NLRP11: variants seen among roughly 807,000 people sequenced by gnomAD.
NLRP11 encodes NLR family pyrin domain containing 11, also known as NACHT, LRR and PYD domains-containing protein 11.
A neutral mutation model predicts 79.3 loss-of-function variants in NLRP11; 53 were observed. The observed-to-expected ratio is 0.67, with a 90% CI of 0.54 to 0.84. The LOEUF is 0.84. NLRP11 is among the 40% of genes least tolerant of loss of function. The pLI is 0.00. For synonymous variants in NLRP11, 518 were observed against 462.6 expected (o/e 1.12, Z -1.54); for missense variants, 1,264 against 1,255.0 (o/e 1.01, Z -0.11).
At position 55,827,367 on chromosome 19, in the gene NLRP11, T is replaced by C. The variant is rs1325987682; in HGVS notation, c.-63+4596A>G. On this transcript the variant is annotated intron_variant, in intron 1 of 9. Coordinates refer to ENST00000589093, the Ensembl canonical transcript of NLRP11. ...GACATAGGCATGGCCAAGGACTTCA[T>C]GTCTAAAACACCAAAAGCAATGGCA... Among the ~76,000 whole-genome samples the C allele has an allele frequency of 8.9e-4, 133 of 150,054 alleles. 3 individuals carry two copies. The highest frequency in any genetic ancestry group is 3.1e-4 in the Non-Finnish European group (21 of 67,854).
chr19:55,827,386 A>C (rs2122926761), intron 1 of NLRP11, among the ~76,000 whole-genome samples: 1 of 150,506 alleles, frequency 6.6e-6, no homozygotes, highest in Non-Finnish European at 1.5e-5. Flanking sequence ...CACCAAAAGC[A>C]ATGGCAACAA....
chr19:55,795,103 T>A (rs539079957), intron 6 of NLRP11, among the ~76,000 whole-genome samples: 2 of 152,318 alleles, frequency 1.3e-5, no homozygotes, highest in South Asian at 4.1e-4. Context: ...TCTCCGCCCT[T>A]CATTTTTGTA....
chr19:55,818,968 T>G (rs1448565883), intron 1 of NLRP11, among the ~76,000 whole-genome samples: 1 of 152,072 alleles, frequency 6.6e-6, no homozygotes, highest in Non-Finnish European at 1.5e-5. Context: ...TGTTTAGCCA[T>G]GTAGAGCCTG....
At chr19:55,806,841 A>T (rs1980045475) in intron 4 of NLRP11, among the ~76,000 whole-genome samples, 1 of 152,084 alleles carries the variant, frequency 6.6e-6, no homozygotes, top group African/African-American at 2.4e-5. Flanking sequence ...CTGAACTCAA[A>T]GCCTTTGTTT....
intron 6 of NLRP11, among the ~76,000 whole-genome samples, chr19:55,794,794 G>A (rs1458954118): frequency 1.3e-5 from 2 of 151,930 alleles, no homozygotes; most frequent in South Asian, 2.1e-4. Context: ...TACATAATGC[G>A]ATATTACATA....
chr19:55,798,244 C>T (rs1374846857), intron 5 of NLRP11: 70 of 805,224 alleles, frequency 8.7e-5, no homozygotes, highest in African/African-American at 1.1e-4. Context: ...GTGATCTGCC[C>T]GCCTCGGCCT....
intron 1 of NLRP11, among the ~76,000 whole-genome samples, chr19:55,830,718 G>T (rs1305044810): frequency 1.7e-4 from 26 of 151,918 alleles, no homozygotes; most frequent in Non-Finnish European, 2.9e-5. Flanking sequence ...ACACTGCAAT[G>T]CTTTTTAAGT....
exon 3 of NLRP11, chr19:55,808,802 T>C (rs773532438): frequency 1.9e-6 from 3 of 1,610,476 alleles, no homozygotes; most frequent in Non-Finnish European, 2.5e-6. Context: ...CTCTTTGTTT[T>C]GAAAGATGCG....
At chr19:55,820,059 G>T (rs975636542) in intron 1 of NLRP11, among the ~76,000 whole-genome samples, 4 of 152,116 alleles carry the variant, frequency 2.6e-5, no homozygotes, top group African/African-American at 9.7e-5. Context: ...TTGCAGCATT[G>T]CTATGCCAAT....
chr19:55,795,980 G>T, intron 6 of NLRP11, 100 bp downstream of exon 6: 2 of 1,073,416 alleles, frequency 1.9e-6, no homozygotes, highest in Non-Finnish European at 2.7e-6. Flanking sequence ...CGGCTGCTTT[G>T]CTTTGCTGTC....
At chr19:55,811,258 AAAAC>A (rs1393984986) in intron 2 of NLRP11, among the ~76,000 whole-genome samples, 3 of 152,220 alleles carry the variant, frequency 2.0e-5, no homozygotes, top group Non-Finnish European at 4.4e-5. Flanking sequence ...TCCCACTGCA[AAAAC>A]AAACAAAAAT....
At chr19:55,816,899 G>T (rs1392380681) in intron 2 of NLRP11, among the ~76,000 whole-genome samples, 1 of 152,104 alleles carries the variant, frequency 6.6e-6, no homozygotes, top group Non-Finnish European at 1.5e-5. Flanking sequence ...ATCTATCCCT[G>T]GTCCTCATGT....
intron 1 of NLRP11, among the ~76,000 whole-genome samples, chr19:55,831,682 T>C (rs948724716): frequency 6.6e-5 from 10 of 152,042 alleles, no homozygotes; most frequent in African/African-American, 1.9e-4. Flanking sequence ...CCACCCACAG[T>C]GCACATACAC....
chr19:55,793,937 A>G (rs944400098), intron 6 of NLRP11, among the ~76,000 whole-genome samples: 16 of 152,188 alleles, frequency 1.1e-4, no homozygotes, highest in Non-Finnish European at 1.9e-4. Context: ...ACTATTTTCC[A>G]GCTGTCAGAT....
intron 1 of NLRP11, among the ~76,000 whole-genome samples, chr19:55,820,134 G>A (rs975650532): frequency 1.4e-4 from 21 of 152,122 alleles, no homozygotes; most frequent in Non-Finnish European, 2.9e-4. Flanking sequence ...TTGCCCTAAA[G>A]GAGGACCTGC....
upstream of NLRP11, chr19:55,836,356 C>T (rs947355882): frequency 6.6e-6 from 1 of 152,134 alleles, no homozygotes; most frequent in African/African-American, 2.4e-5. Context: ...AAATATCCCC[C>T]GCTCTATACG....
chr19:55,808,941 A>AG lies in NLRP11; in HGVS notation c.1668_1669insC (p.Phe557LeufsTer39). 1 of 1,614,118 alleles carries AG rather than the reference A, an allele frequency of 6.2e-7. No individual in the cohort carries two copies. The highest frequency in any genetic ancestry group is 1.3e-5 in the African/African-American group (1 of 75,038). ...AGAGCATCCACAATCGTCTTCACAA[A>AG]TTCTTCTTCCCGATTCTCATAGAGA... is the stretch of plus-strand genomic sequence containing the variant. On this transcript the variant is annotated frameshift_variant, in exon 3 of 10. Coordinates refer to ENST00000589093, the Ensembl canonical transcript of NLRP11. LOFTEE classifies it high-confidence loss of function.
intron 7 of NLRP11, among the ~76,000 whole-genome samples, chr19:55,790,195 C>T (rs771829078): frequency 4.6e-5 from 7 of 152,090 alleles, no homozygotes; most frequent in Non-Finnish European, 8.8e-5. Context: ...GATTACGTGC[C>T]CTTAGGATTG....
In NLRP11 at chr19:55,823,781, G is replaced by A. The variant is rs552382419; in HGVS notation, c.-62-5545C>T. Among the ~76,000 whole-genome samples, 33 of 149,320 alleles carry A rather than the reference G, an allele frequency of 2.2e-4. No homozygotes were observed. In the East Asian group the frequency reaches 5.8e-3, roughly 26 times the overall value. On this transcript the variant is annotated intron_variant, in intron 1 of 9. Transcript: ENST00000589093. ...GACTATGTGAAAAGACCAAATCTAC[G>A]TCTGATTGGTGTACCTGAAAGTGAT... is the stretch of plus-strand genomic sequence containing the variant.
Sources: gnomAD v4.1 joint callset for allele counts (sites outside exome capture counted in the v4.1 genomes callset) on GRCh38, gnomAD v4.1.1 for gene constraint, MANE v1.5 for transcripts, NCBI Gene and HGNC (gene_info 2026-07-23, HGNC 2026-07-21) for gene names.